Variants in AVEN observed in about 807,000 individuals in gnomAD.
AVEN encodes cell death regulator Aven.
A neutral mutation model predicts 38.1 loss-of-function variants in AVEN; 41 were observed. That is an observed-to-expected ratio of 1.08 (90% CI 0.84 to 1.40). The LOEUF is 1.40. AVEN is among the 40% of genes most tolerant of loss of function. AVEN has a pLI of 0.00. For missense variants in AVEN, 605 were observed against 438.8 expected, an observed-to-expected ratio of 1.38 and a Z score of -3.38; for synonymous variants, 206 against 171.8, an observed-to-expected ratio of 1.20 and a Z score of -1.56.
intron 2 of AVEN, among the ~76,000 whole-genome samples, chr15:34,070,456 T>C (rs1900603902): frequency 6.6e-6 from 1 of 152,168 alleles, no homozygotes; most frequent in African/African-American, 2.4e-5. Flanking sequence ...ATTTTAATGT[T>C]TTTAGTTTAA....
intron 3 of AVEN, among the ~76,000 whole-genome samples, chr15:33,874,509 C>T (rs1167646403): frequency 6.6e-6 from 1 of 152,094 alleles, no homozygotes; most frequent in Non-Finnish European, 1.5e-5. Flanking sequence ...GATCTTTTCC[C>T]CATGGTACCA....
intron 2 of AVEN, among the ~76,000 whole-genome samples, chr15:33,962,803 A>C (rs9972292): frequency 0.049 from 7,482 of 151,872 alleles, 559 homozygotes; most frequent in African/African-American, 0.16. Context: ...ACATGTAGTC[A>C]CAGCTACTTG....
chr15:34,045,857 G>A (rs756862258), intron 5 of AVEN, among the ~76,000 whole-genome samples: 1 of 152,150 alleles, frequency 6.6e-6, no homozygotes, highest in Non-Finnish European at 1.5e-5. Context: ...GTAATGTATT[G>A]ACAGCAGAGA....
At chr15:33,948,298 T>C (rs1195669040) in intron 2 of AVEN, among the ~76,000 whole-genome samples, 1 of 151,740 alleles carries the variant, frequency 6.6e-6, no homozygotes, top group African/African-American at 2.4e-5. Context: ...GGTTTCACTA[T>C]CTTGGCCAGG....
At chr15:33,994,288 GT>G (rs1896848378) in intron 2 of AVEN, among the ~76,000 whole-genome samples, 1 of 152,212 alleles carries the variant, frequency 6.6e-6, no homozygotes, top group African/African-American at 2.4e-5. Context: ...AGGGATCCAG[GT>G]TGCACGCTCC....
chr15:33,855,184 G>A (rs1451548821), downstream of AVEN, among the ~76,000 whole-genome samples: 1 of 151,726 alleles, frequency 6.6e-6, no homozygotes, highest in Non-Finnish European at 1.5e-5. Context: ...TGATGGACAT[G>A]TCAGAATGAC....
upstream of AVEN, among the ~76,000 whole-genome samples, chr15:34,040,503 G>A (rs1017013513): frequency 2.6e-5 from 4 of 152,186 alleles, no homozygotes; most frequent in African/African-American, 9.7e-5. Flanking sequence ...GCACTTATAT[G>A]CACCAAACAC....
At chr15:33,974,560 T>G (rs998868872) in intron 2 of AVEN, among the ~76,000 whole-genome samples, 1 of 152,196 alleles carries the variant, frequency 6.6e-6, no homozygotes, top group African/African-American at 2.4e-5. Flanking sequence ...CTAGAATTCA[T>G]CAACATGTGT....
intron 2 of AVEN, among the ~76,000 whole-genome samples, chr15:34,001,413 A>G (rs1897133434): frequency 6.6e-6 from 1 of 152,202 alleles, no homozygotes; most frequent in South Asian, 2.1e-4. Context: ...ATTGAATTAA[A>G]TCTACTTTAG....
intron 4 of AVEN, among the ~76,000 whole-genome samples, chr15:33,869,231 C>T (rs1890833071): frequency 1.3e-5 from 2 of 152,290 alleles, no homozygotes; most frequent in East Asian, 1.9e-4. Context: ...TTGTTTTTAA[C>T]TCCCCAGGTG....
intron 2 of AVEN, among the ~76,000 whole-genome samples, chr15:33,993,993 G>A (rs1230449720): frequency 6.6e-6 from 1 of 152,136 alleles, no homozygotes; most frequent in Admixed American, 6.5e-5. Flanking sequence ...GCTTCCATCT[G>A]AGGCTCTTCT....
intron 2 of AVEN, among the ~76,000 whole-genome samples, chr15:33,896,372 G>A (rs898925973): frequency 1.3e-5 from 2 of 152,112 alleles, no homozygotes; most frequent in Non-Finnish European, 2.9e-5. Flanking sequence ...GGCACCCATC[G>A]AATTCTCCAG....
chr15:33,973,282 A>T (rs1055374623), intron 2 of AVEN, among the ~76,000 whole-genome samples: 1 of 152,240 alleles, frequency 6.6e-6, no homozygotes, highest in Admixed American at 6.5e-5. Context: ...TTCAGTTATC[A>T]ACTAAAAATC....
At chr15:33,901,079 A>C (rs1892479078) in intron 2 of AVEN, among the ~76,000 whole-genome samples, 1 of 152,200 alleles carries the variant, frequency 6.6e-6, no homozygotes, top group African/African-American at 2.4e-5. Context: ...ATCCTGGCTA[A>C]CATGGTGAAA....
At chr15:33,997,935 C>T (rs1897002790) in intron 2 of AVEN, among the ~76,000 whole-genome samples, 1 of 152,146 alleles carries the variant, frequency 6.6e-6, no homozygotes, top group African/African-American at 2.4e-5. Flanking sequence ...TGTCACCCAA[C>T]ATCTATACCA....
chr15:33,865,360 ATCTGTGCTATT>A (rs1393034751), downstream of AVEN: 2 of 654,070 alleles, frequency 3.1e-6, no homozygotes, highest in African/African-American at 3.7e-5. Flanking sequence ...ACTGCTGAAA[ATCTGTGCTATT>A]TTGAAATTGA....
chr15:34,041,954 G>A (rs1055125164), upstream of AVEN, among the ~76,000 whole-genome samples: 1 of 152,146 alleles, frequency 6.6e-6, no homozygotes, highest in African/African-American at 2.4e-5. Context: ...CATTCAAGGC[G>A]TATCTTGTTT....
chr15:34,011,470 T>C (rs1020985193), intron 1 of AVEN, among the ~76,000 whole-genome samples: 3 of 152,200 alleles, frequency 2.0e-5, no homozygotes, highest in African/African-American at 7.2e-5. Flanking sequence ...ACAATGTACA[T>C]AATAATAAAT....
intron 1 of AVEN, among the ~76,000 whole-genome samples, chr15:34,023,371 C>T (rs936226872): frequency 1.3e-5 from 2 of 152,108 alleles, no homozygotes. Flanking sequence ...TCATCTTGGC[C>T]GAGTCCTCCC....
Sources: allele counts gnomAD v4.1 joint callset (sites outside exome capture counted in the v4.1 genomes callset), GRCh38; gene constraint gnomAD v4.1.1; transcripts MANE v1.5; gene names NCBI Gene and HGNC (gene_info 2026-07-23, HGNC 2026-07-21).